CHST8: variants seen among roughly 807,000 people sequenced by gnomAD.
The protein encoded by CHST8 is carbohydrate sulfotransferase 8.
In CHST8, 10 loss-of-function variants were observed where a neutral mutation model predicts 15.0. That is an observed-to-expected ratio of 0.67 (90% confidence interval 0.41 to 1.13). The LOEUF (loss-of-function observed/expected upper bound fraction) is 1.13. Ranked by LOEUF, CHST8 falls within the 50% of genes most tolerant of loss-of-function variation. CHST8 has a pLI of 0.00. For missense variants in CHST8, 634 were observed against 608.2 expected (o/e 1.04, Z -0.45); for synonymous variants, 259 against 256.6 (o/e 1.01, Z -0.09).
intron 1 of CHST8, among the ~76,000 whole-genome samples, chr19:33,622,869 G>A (rs1021232959): frequency 4.6e-5 from 7 of 152,182 alleles, no homozygotes; most frequent in African/African-American, 1.7e-4. Context: ...GTGTGCGTGC[G>A]TCAGCGATGG....
chr19:33,624,376 A>G (rs1028700995), intron 1 of CHST8, among the ~76,000 whole-genome samples: 3 of 152,186 alleles, frequency 2.0e-5, no homozygotes, highest in African/African-American at 7.2e-5. Flanking sequence ...GTAACCGACG[A>G]CAGAGGATGC....
At chr19:33,757,458 GAAAGAAAGAAAGAAA>G (rs1974588494) in intron 3 of CHST8, among the ~76,000 whole-genome samples, 7 of 36,730 alleles carry the variant, frequency 1.9e-4, no homozygotes, top group Admixed American at 5.6e-4. Flanking sequence ...AAGAAAGAAA[GAAAGAAAGAAAGAAA>G]GAAAGAAAGA....
At chr19:33,758,644 G>A (rs1380913033) in intron 3 of CHST8, among the ~76,000 whole-genome samples, 1 of 152,196 alleles carries the variant, frequency 6.6e-6, no homozygotes, top group Non-Finnish European at 1.5e-5. Flanking sequence ...CTTGCAGCTG[G>A]GCCACAGTGG....
At chr19:33,667,369 C>T (rs1248653035) in intron 1 of CHST8, among the ~76,000 whole-genome samples, 1 of 152,148 alleles carries the variant, frequency 6.6e-6, no homozygotes, top group Admixed American at 6.5e-5. Context: ...TCGCGCAGCC[C>T]GACGGCTGGC....
intron 2 of CHST8, among the ~76,000 whole-genome samples, chr19:33,669,322 G>C (rs1311905160): frequency 6.6e-6 from 1 of 152,040 alleles, no homozygotes; most frequent in Non-Finnish European, 1.5e-5. Context: ...GTCCCTTTTG[G>C]GTGTAGCTGA....
intron 3 of CHST8, among the ~76,000 whole-genome samples, chr19:33,721,224 C>T (rs1973783689): frequency 6.6e-6 from 1 of 152,216 alleles, no homozygotes; most frequent in African/African-American, 2.4e-5. Flanking sequence ...GCATTGGCTC[C>T]AGCAGCATGT....
intron 2 of CHST8, among the ~76,000 whole-genome samples, chr19:33,672,017 G>A (rs1205372900): frequency 2.0e-5 from 3 of 151,880 alleles, no homozygotes; most frequent in Non-Finnish European, 4.4e-5. Flanking sequence ...TTACCTGTAT[G>A]TATGTGTATG....
chr19:33,727,057 G>T (rs1439358072), intron 3 of CHST8, among the ~76,000 whole-genome samples: 4 of 151,820 alleles, frequency 2.6e-5, no homozygotes, highest in Non-Finnish European at 5.9e-5. Context: ...CCCTTCCCAG[G>T]CCCTTTCTGT....
At chr19:33,623,609 G>A (rs1398315567) in intron 1 of CHST8, among the ~76,000 whole-genome samples, 1 of 152,168 alleles carries the variant, frequency 6.6e-6, no homozygotes, top group African/African-American at 2.4e-5. Flanking sequence ...TTTCTCTTCT[G>A]AGTTCACCTT....
chr19:33,749,677 C>T (rs557293236), intron 3 of CHST8, among the ~76,000 whole-genome samples: 1 of 152,168 alleles, frequency 6.6e-6, no homozygotes, highest in African/African-American at 2.4e-5. Context: ...CTCAGTCTTA[C>T]TGCTACTCAC....
chr19:33,773,428 C>G lies in CHST8; in HGVS notation c.*365C>G. 1 of 240,222 alleles carries G rather than the reference C, an allele frequency of 4.2e-6. No homozygotes were observed. Among genetic ancestry groups the G allele is most frequent in the Non-Finnish European group, 8.1e-6 (1 of 123,506 alleles). The allele number at this position is 240,222 out of a possible 1,614,324, so 14.9% of individuals were successfully genotyped here. ...TTAGCCATTGCCTTGGACCAAACCA[C>G]GTGGTTTGCAGCTTTTCTACGAGCC... is the stretch of plus-strand genomic sequence containing the variant. On this transcript the variant is annotated 3_prime_UTR_variant, in exon 5 of 5. Coordinates refer to ENST00000650847, the MANE Select transcript of CHST8 (RefSeq NM_001127895.2).
At chr19:33,653,280 T>C (rs1972471864) in intron 1 of CHST8, among the ~76,000 whole-genome samples, 1 of 152,208 alleles carries the variant, frequency 6.6e-6, no homozygotes, top group Non-Finnish European at 1.5e-5. Flanking sequence ...TATTTTCCTT[T>C]AGCTCTCTGA....
chr19:33,707,701 A>G (rs1340234195), intron 3 of CHST8, among the ~76,000 whole-genome samples: 1 of 152,208 alleles, frequency 6.6e-6, no homozygotes, highest in East Asian at 1.9e-4. Flanking sequence ...CATTAGGACT[A>G]ATGCTGCTAT....
intron 3 of CHST8, among the ~76,000 whole-genome samples, chr19:33,753,793 A>C (rs1164103876): frequency 6.2e-4 from 3 of 4,836 alleles, no homozygotes; most frequent in African/African-American, 1.3e-3. Context: ...CACCACCCAC[A>C]CACCATCCTC....
In CHST8 at chr19:33,772,824, G is replaced by A; in HGVS notation, c.1036G>A (p.Gly346Ser). 6.2e-7 allele frequency: 1 copy of A among 1,613,554 alleles called. No homozygotes were observed. Among genetic ancestry groups the A allele is most frequent in the Non-Finnish European group, 8.5e-7 (1 of 1,180,038 alleles). The part of the protein sequence containing the change: ...SPCLIDYDFV[G>S]KFESMEDDAN... ...CTGCCTCATCGACTACGATTTCGTA[G>A]GCAAGTTCGAGAGCATGGAGGACGA... The change falls in exon 5 of 5, where the codon GGC becomes AGC. Residue 346 changes from glycine to serine, a missense_variant. By Grantham distance (56) the Gly-to-Ser change is moderately conservative. Transcript: ENST00000650847.
At chr19:33,664,557 A>G (rs1486905825) in intron 1 of CHST8, among the ~76,000 whole-genome samples, 1 of 149,106 alleles carries the variant, frequency 6.7e-6, no homozygotes, top group African/African-American at 2.5e-5. Flanking sequence ...GTTTTTTGGG[A>G]TTTTCATTTT....
intron 3 of CHST8, among the ~76,000 whole-genome samples, chr19:33,716,606 G>A (rs1246861980): frequency 2.0e-5 from 3 of 152,244 alleles, no homozygotes; most frequent in Admixed American, 6.5e-5. Context: ...GGGCTGAAGC[G>A]ATCCTCCCGC....
chr19:33,656,102 G>C (rs1005003632), intron 1 of CHST8, among the ~76,000 whole-genome samples: 1 of 152,102 alleles, frequency 6.6e-6, no homozygotes. Context: ...GTCTAAAATT[G>C]CTCATTTTAT....
In CHST8 at chr19:33,689,327, T is replaced by C. The variant is rs1454369334; in HGVS notation, c.66T>C (p.Ala22=). Residue 22 remains alanine, a synonymous_variant, in exon 3 of 5, where the codon GCT becomes GCC. Transcript: ENST00000650847. ...CMFSSILLFG[A]AGLLLFISLQ... is the part of the protein sequence containing the mutation. Reference sequence around the variant, plus strand: ...TCTCTTCCATCCTGCTGTTCGGAGCTGCAGGCCTCCTCCTCTTCATCAGCC... The same window carrying C: ...TCTCTTCCATCCTGCTGTTCGGAGCCGCAGGCCTCCTCCTCTTCATCAGCC... 5.0e-6 allele frequency: 8 copies of C among 1,609,680 alleles called. No homozygotes were observed. Among genetic ancestry groups the C allele is most frequent in the Non-Finnish European group, 6.8e-6 (8 of 1,178,778 alleles).
Sources: allele counts gnomAD v4.1 joint callset (sites outside exome capture counted in the v4.1 genomes callset), GRCh38; gene constraint gnomAD v4.1.1; transcripts MANE v1.5; gene names NCBI Gene and HGNC (gene_info 2026-07-23, HGNC 2026-07-21).